The following EPC1 variants were observed in gnomAD, a reference collection of about 807,000 sequenced individuals.
EPC1 encodes the protein enhancer of polycomb 1, also known as enhancer of polycomb homolog 1.
A neutral mutation model predicts 98.4 loss-of-function variants in EPC1; 12 were observed. That is an observed-to-expected ratio of 0.12 (90% CI 0.08 to 0.20). EPC1 has a LOEUF of 0.20. EPC1 is among the 10% of genes least tolerant of loss of function. The pLI, the probability that EPC1 is intolerant of heterozygous loss-of-function variation, is 1.00. For synonymous variants in EPC1, 357 were observed against 363.9 expected (o/e 0.98, Z 0.21); for missense variants, 729 against 990.5 (o/e 0.74, Z 3.54).
chr10:32,377,664 A>G (rs1317252583), intron 1 of EPC1, among the ~76,000 whole-genome samples: 1 of 152,192 alleles, frequency 6.6e-6, no homozygotes, highest in African/African-American at 2.4e-5. Context: ...ATAAAGGGAG[A>G]AGAGAATAGA....
chr10:32,370,627 A>C (rs978296622), intron 1 of EPC1, among the ~76,000 whole-genome samples: 2 of 152,194 alleles, frequency 1.3e-5, no homozygotes, highest in African/African-American at 4.8e-5. Flanking sequence ...ACCCAGAATC[A>C]TTCTAGACCA....
chr10:32,276,962 T>C (rs1210612957), intron 10 of EPC1, among the ~76,000 whole-genome samples: 2 of 152,294 alleles, frequency 1.3e-5, no homozygotes, highest in African/African-American at 2.4e-5. Context: ...CCAAAAAATT[T>C]TGAGGTCAGG....
intron 9 of EPC1, 197 bp downstream of exon 9, chr10:32,286,497 A>C (rs1368364409): frequency 1.6e-6 from 1 of 620,054 alleles, no homozygotes; most frequent in Non-Finnish European, 2.7e-6. Context: ...CTAGGGACCC[A>C]ATAGAGTTAT....
chr10:32,311,107 G>C (rs1029593646), intron 1 of EPC1, among the ~76,000 whole-genome samples: 13 of 151,934 alleles, frequency 8.6e-5, no homozygotes, highest in Admixed American at 2.6e-4. Flanking sequence ...TCAGGAGATC[G>C]AGACCATCCT....
At chr10:32,339,768 C>T (rs1838217363) in intron 1 of EPC1, among the ~76,000 whole-genome samples, 2 of 152,172 alleles carry the variant, frequency 1.3e-5, no homozygotes, top group South Asian at 4.1e-4. Context: ...ATTTTTCATA[C>T]ACTGCCTTAT....
At chr10:32,329,757 T>C (rs1412197017) in intron 1 of EPC1, among the ~76,000 whole-genome samples, 2 of 152,210 alleles carry the variant, frequency 1.3e-5, no homozygotes, top group African/African-American at 2.4e-5. Flanking sequence ...GCTCCAATGC[T>C]AGAGGTACTT....
At chr10:32,373,454 T>C (rs1839806535) in intron 1 of EPC1, among the ~76,000 whole-genome samples, 2 of 152,242 alleles carry the variant, frequency 1.3e-5, no homozygotes, top group African/African-American at 4.8e-5. Context: ...AGCAATTAAG[T>C]GCTAACCTTA....
At chr10:32,333,804 AGTAACGGGC>A (rs1837788286) in intron 1 of EPC1, among the ~76,000 whole-genome samples, 1 of 152,226 alleles carries the variant, frequency 6.6e-6, no homozygotes, top group Non-Finnish European at 1.5e-5. Flanking sequence ...AGCTCAAGGT[AGTAACGGGC>A]GTATCTCAAA....
At chr10:32,317,091 A>T (rs187439053) in intron 1 of EPC1, among the ~76,000 whole-genome samples, 1 of 151,762 alleles carries the variant, frequency 6.6e-6, no homozygotes, top group Non-Finnish European at 1.5e-5. Context: ...GTGTTCCCCA[A>T]CTCTGTTTTA....
At chr10:32,355,962 G>C (rs1564565604) in intron 1 of EPC1, among the ~76,000 whole-genome samples, 1 of 152,172 alleles carries the variant, frequency 6.6e-6, no homozygotes, top group Non-Finnish European at 1.5e-5. Flanking sequence ...GTTTTACTAA[G>C]TAATGCACAT....
At chr10:32,327,050 A>C (rs1837329944) in intron 1 of EPC1, among the ~76,000 whole-genome samples, 1 of 117,908 alleles carries the variant, frequency 8.5e-6, no homozygotes, top group South Asian at 3.1e-4. Flanking sequence ...AGATGAATGA[A>C]GAAAATGTGG....
chr10:32,309,020 A>G (rs1836039775), intron 1 of EPC1, among the ~76,000 whole-genome samples: 1 of 152,226 alleles, frequency 6.6e-6, no homozygotes, highest in African/African-American at 2.4e-5. Flanking sequence ...ATGTTAAGTG[A>G]AATAAGCCAG....
intron 1 of EPC1, among the ~76,000 whole-genome samples, chr10:32,363,543 C>T (rs1839504583): frequency 6.6e-6 from 1 of 152,166 alleles, no homozygotes; most frequent in Non-Finnish European, 1.5e-5. Flanking sequence ...AACAAAAATA[C>T]TAAAAACCTA....
At chr10:32,341,495 C>A (rs1838350745) in intron 1 of EPC1, among the ~76,000 whole-genome samples, 1 of 152,146 alleles carries the variant, frequency 6.6e-6, no homozygotes, top group African/African-American at 2.4e-5. Context: ...AATTTTTTCT[C>A]TCGTTTACAA....
At chr10:32,327,322 C>A (rs1484845116) in intron 1 of EPC1, among the ~76,000 whole-genome samples, 2 of 152,128 alleles carry the variant, frequency 1.3e-5, no homozygotes, top group Non-Finnish European at 2.9e-5. Context: ...GGACGGGAAA[C>A]AGGAAGAAGT....
chr10:32,320,883 G>A (rs552293973), intron 1 of EPC1, among the ~76,000 whole-genome samples: 31 of 146,652 alleles, frequency 2.1e-4, no homozygotes, highest in South Asian at 9.1e-4. Context: ...CACCACACCC[G>A]GCTTTTGACC....
intron 1 of EPC1, among the ~76,000 whole-genome samples, chr10:32,354,284 T>G (rs1839207500): frequency 6.6e-6 from 1 of 151,922 alleles, no homozygotes; most frequent in Non-Finnish European, 1.5e-5. Context: ...AAATGAAAAA[T>G]GCATGATTCA....
intron 1 of EPC1, among the ~76,000 whole-genome samples, chr10:32,307,702 T>C (rs1310864333): frequency 1.3e-5 from 2 of 152,220 alleles, no homozygotes; most frequent in African/African-American, 4.8e-5. Flanking sequence ...CCATATTTAC[T>C]GGCCCTGAAT....
chr10:32,346,578 C>G (rs1838832889), intron 1 of EPC1, 185 bp downstream of exon 1: 6 of 635,828 alleles, frequency 9.4e-6, no homozygotes, highest in South Asian at 3.9e-5. Context: ...AGAAGGGGCC[C>G]CGCTGGGCCG....
Sources: allele counts gnomAD v4.1 joint callset (sites outside exome capture counted in the v4.1 genomes callset), GRCh38; gene constraint gnomAD v4.1.1; transcripts MANE v1.5; gene names NCBI Gene and HGNC (gene_info 2026-07-23, HGNC 2026-07-21).